Variants in ING1 observed in about 807,000 individuals in gnomAD.
ING1 encodes inhibitor of growth family member 1.
Under a neutral mutation model 23.1 loss-of-function variants are expected in ING1, and 4 were observed. The ratio of observed to expected loss-of-function variants is 0.17; its 90% confidence interval spans 0.09 to 0.40. The LOEUF is 0.40. Among genes scored for constraint, ING1 ranks in the 10% least tolerant of loss-of-function variants. ING1 has a pLI of 1.00. For synonymous variants in ING1, 179 were observed against 166.4 expected (o/e 1.08, Z -0.58); for missense variants, 256 against 393.8 (o/e 0.65, Z 2.96).
rs933561315 is a variant in ING1, at chr13:110,722,075, A to G, written c.*2143A>G. 16 of 152,212 alleles carry G rather than the reference A, an allele frequency of 1.1e-4. No individual in the cohort carries two copies. Among genetic ancestry groups the G allele is most frequent in the African/African-American group, 3.9e-4 (16 of 41,466 alleles). 9.4% of individuals were successfully genotyped at this position (152,212 alleles called of 1,614,324 possible). A position where few individuals can be genotyped will look rare whatever the true frequency, so the allele number is the denominator to read the frequency against. On this transcript the variant is annotated 3_prime_UTR_variant, in exon 2 of 2. Transcript: ENST00000333219. The stretch of plus-strand genomic sequence containing the variant: ...GTGATAAACAATTATTGTGAACTTT[A>G]TTTGTGCTGGACATAAGTGTCTGTT...
chr13:110,712,961 G>A (rs746778912), upstream of ING1: 36 of 1,559,998 alleles, frequency 2.3e-5, no homozygotes, highest in South Asian at 1.8e-4. Context: ...GGGAGTGGTG[G>A]TCCGGCCGCG....
chr13:110,714,554 T>A (rs1305116739), intron 1 of ING1, among the ~76,000 whole-genome samples: 1 of 133,952 alleles, frequency 7.5e-6, no homozygotes, highest in East Asian at 2.3e-4. Context: ...AGTGAAGTGA[T>A]GAGGCGGGTG....
At chr13:110,716,329 G>A (rs1435673121) in intron 1 of ING1, among the ~76,000 whole-genome samples, 3 of 151,988 alleles carry the variant, frequency 2.0e-5, no homozygotes, top group Admixed American at 1.3e-4. Context: ...TCACAGTCCT[G>A]CCCCCCCGGG....
chr13:110,714,701 G>A (rs911792964), intron 1 of ING1, among the ~76,000 whole-genome samples: 1 of 152,214 alleles, frequency 6.6e-6, no homozygotes, highest in Admixed American at 6.5e-5. Context: ...GCGGCTGTGG[G>A]CCGGGGTTCC....
At chr13:110,715,339 G>T in intron 1 of ING1, 1 of 1,453,078 alleles carries the variant, frequency 6.9e-7, no homozygotes, top group Non-Finnish European at 9.0e-7. Context: ...CCGGGAAGGC[G>T]CCCCTGCGCG....
At position 110,715,999 on chromosome 13, in the gene ING1, C is replaced by T; in HGVS notation, c.136+1714C>T. Reference sequence around the variant, plus strand: ...GACCCGAGGGTGGGGCCGCGCGTGGCCGTGGAAACGTGAGTGACTGGGGCT... The same window carrying T: ...GACCCGAGGGTGGGGCCGCGCGTGGTCGTGGAAACGTGAGTGACTGGGGCT... On this transcript the variant is annotated intron_variant, in intron 1 of 1. Coordinates refer to ENST00000333219, the MANE Select transcript of ING1 (RefSeq NM_198219.3). The T allele has an allele frequency of 6.6e-7, 1 of 1,504,294 alleles. No homozygotes were observed. The highest frequency in any genetic ancestry group is 8.8e-7 in the Non-Finnish European group (1 of 1,135,334). The allele number at this position is 1,504,294 out of a possible 1,614,324, so 93.2% of individuals were successfully genotyped here.
At chr13:110,712,892 G>C (rs371787190), upstream of ING1, 27 of 1,463,876 alleles carry the variant, frequency 1.8e-5, no homozygotes, top group East Asian at 2.2e-4. Context: ...AGTACCGGGA[G>C]ACGACACAAA....
rs2064179035 is a variant in ING1 at position 110,722,665 on chromosome 13, C to T, written c.*2733C>T. The T allele has an allele frequency of 6.6e-6, 1 of 152,124 alleles. No individual in the cohort carries two copies. The highest frequency in any genetic ancestry group is 1.5e-5 in the Non-Finnish European group (1 of 68,030). The allele number at this position is 152,124 out of a possible 1,614,324, so 9.4% of individuals were successfully genotyped here. ...AGAGGGTGGTTCCAATAAATAAATG[C>T]ACTGGCATATTCAAATGTTGGATAA... On this transcript the variant is annotated 3_prime_UTR_variant, in exon 2 of 2. Coordinates refer to ENST00000333219, the MANE Select transcript of ING1 (RefSeq NM_198219.3).
At chr13:110,714,437 A>G (rs1351005849) in intron 1 of ING1, 152 bp downstream of exon 1, 2 of 690,930 alleles carry the variant, frequency 2.9e-6, no homozygotes, top group Non-Finnish European at 4.1e-6. Context: ...AAAGGTCTGG[A>G]GCGCCTTTGA....
upstream of ING1, chr13:110,712,860 G>A (rs1430646224): frequency 2.0e-5 from 25 of 1,246,326 alleles, no homozygotes; most frequent in East Asian, 5.1e-5. Flanking sequence ...AGGCCCCTTT[G>A]TCTCCAAGCC....
upstream of ING1, chr13:110,712,705 T>C (rs2064045356): frequency 1.5e-6 from 1 of 688,426 alleles, no homozygotes; most frequent in East Asian, 2.7e-5. Context: ...GTCTGCATAC[T>C]GTGGGCGGCC....
At chr13:110,715,550 GTCT>G (rs766683067) in intron 1 of ING1, 51 of 1,614,040 alleles carry the variant, frequency 3.2e-5, no homozygotes, top group African/African-American at 1.6e-4. Flanking sequence ...TGTTTCCGCT[GTCT>G]TCTTTTTTCT....
At chr13:110,712,924 G>A (rs563326900), upstream of ING1, 79 of 1,554,248 alleles carry the variant, frequency 5.1e-5, no homozygotes, top group Admixed American at 1.3e-3. Flanking sequence ...GACGGATGGC[G>A]CAGGCGCGGG....
intron 1 of ING1, chr13:110,715,437 G>A (rs769993819): frequency 6.4e-7 from 1 of 1,573,636 alleles, no homozygotes; most frequent in Admixed American, 1.8e-5. Context: ...CCCAGTAGTT[G>A]GCTGTGATGT....
intron 1 of ING1, chr13:110,715,051 G>T (rs1158041121): frequency 1.6e-5 from 16 of 1,005,898 alleles, no homozygotes; most frequent in Non-Finnish European, 1.8e-5. Flanking sequence ...GGCTTGGAGA[G>T]GACTGTGGCA....
chr13:110,723,212 G>C lies in ING1; in HGVS notation c.*3280G>C, dbSNP rs547796970. 7.2e-5 allele frequency: 11 copies of C among 152,272 alleles called. No individual in the cohort carries two copies. The East Asian group carries it at 1.4e-3, about 19-fold the overall frequency. The allele number at this position is 152,272 out of a possible 1,614,324, so 9.4% of individuals were successfully genotyped here. ...GCAGGAGTCACAGACCTGCAGGCAC[G>C]CACTTGCCAGTGACTGGGACGTTGG... On this transcript the variant is annotated 3_prime_UTR_variant, in exon 2 of 2. Coordinates refer to ENST00000333219, the MANE Select transcript of ING1 (RefSeq NM_198219.3).
chr13:110,713,547 A>G (rs1180118587), upstream of ING1: 2 of 985,902 alleles, frequency 2.0e-6, no homozygotes, highest in Non-Finnish European at 2.4e-6. Context: ...CGCCCCCGCG[A>G]GGGCCGGCCT....
upstream of ING1, chr13:110,713,551 C>A: frequency 1.0e-6 from 1 of 986,158 alleles, no homozygotes; most frequent in African/African-American, 1.7e-5. Context: ...CCCGCGAGGG[C>A]CGGCCTGGAG....
rs765598475 is a variant in ING1, at chr13:110,719,537, C to T, written c.445C>T (p.Arg149Cys). 4 of 1,610,104 alleles carry T rather than the reference C, an allele frequency of 2.5e-6. No individual in the cohort carries two copies. In the African/African-American group the frequency reaches 4.0e-5, roughly 16 times the overall value. ...AAQADKPNSKRSRRQRNNENR... is the reference protein window; with the variant it reads ...AAQADKPNSKCSRRQRNNENR... ...GCAGGCTGACAAGCCCAACAGCAAGCGCTCACGGCGGCAGCGCAACAACGA... is the reference window on the plus strand; with the variant it reads ...GCAGGCTGACAAGCCCAACAGCAAGTGCTCACGGCGGCAGCGCAACAACGA... Residue 149 changes from arginine (R) to cysteine (C), a missense_variant, in exon 2 of 2, where the codon CGC becomes TGC. By Grantham distance (180) the Arg-to-Cys change is radical. Around this residue, in one of 3 missense-constraint regions of ING1, gnomAD observed 209 missense variants for 273.8 expected, o/e 0.76. Coordinates refer to ENST00000333219, the MANE Select transcript of ING1 (RefSeq NM_198219.3). The surrounding 1 kb of genome is among the most constrained non-coding windows in gnomAD (Gnocchi z 8.9).
Sources: gnomAD v4.1 joint callset for allele counts (sites outside exome capture counted in the v4.1 genomes callset) on GRCh38, gnomAD v4.1.1 for gene constraint, gnomAD v4.1.1 regional missense constraint, Gnocchi (gnomAD v3.1) non-coding constraint, MANE v1.5 for transcripts, NCBI Gene and HGNC (gene_info 2026-07-23, HGNC 2026-07-21) for gene names.